Variants in RIT2 observed in about 807,000 individuals in gnomAD.
RIT2 encodes the protein Ras like without CAAX 2, also known as GTP-binding protein Rit2.
A neutral mutation model predicts 23.7 loss-of-function variants in RIT2; 24 were observed. The observed-to-expected ratio is 1.01, with a 90% CI of 0.73 to 1.43. The LOEUF (loss-of-function observed/expected upper bound fraction) is 1.43, where lower values mean the gene tolerates loss of function less well. RIT2 is among the 40% of genes most tolerant of loss of function. The pLI, the probability that RIT2 is intolerant of heterozygous loss-of-function variation, is 0.00. For missense variants in RIT2, 236 were observed against 266.9 expected, an observed-to-expected ratio of 0.88 and a Z score of 0.81; for synonymous variants, 107 against 91.1, an observed-to-expected ratio of 1.17 and a Z score of -0.99.
intron 4 of RIT2, among the ~76,000 whole-genome samples, chr18:42,862,579 A>C (rs900093898): frequency 2.6e-5 from 4 of 152,204 alleles, no homozygotes; most frequent in Admixed American, 2.0e-4. Context: ...GCAGAAATCA[A>C]TAATTTGAGG....
At chr18:42,837,147 C>CTTTTTTTTTTT (rs1196949759) in intron 4 of RIT2, among the ~76,000 whole-genome samples, 3 of 48,714 alleles carry the variant, frequency 6.2e-5, no homozygotes, top group Non-Finnish European at 1.4e-4. Flanking sequence ...CTTTTTTTTT[C>CTTTTTTTTTTT]TTTTTCTTTT....
intron 4 of RIT2, among the ~76,000 whole-genome samples, chr18:42,902,352 C>G (rs1161645626): frequency 6.6e-6 from 1 of 150,774 alleles, no homozygotes; most frequent in Non-Finnish European, 1.5e-5. Context: ...GCTGTAAAAC[C>G]CTAAAGTAAA....
chr18:43,078,566 C>T (rs957249734), intron 1 of RIT2, among the ~76,000 whole-genome samples: 7 of 152,142 alleles, frequency 4.6e-5, no homozygotes, highest in Admixed American at 6.5e-5. Flanking sequence ...ATCCTTGCAT[C>T]GCGCACATGC....
chr18:43,067,256 A>G (rs575353872), intron 1 of RIT2, among the ~76,000 whole-genome samples: 1 of 152,266 alleles, frequency 6.6e-6, no homozygotes, highest in South Asian at 2.1e-4. Context: ...TTTCCAGCTT[A>G]TTGGATATAT....
At chr18:42,837,153 CTTTTTTTTTTT>C (rs570701535) in intron 4 of RIT2, among the ~76,000 whole-genome samples, 13 of 51,698 alleles carry the variant, frequency 2.5e-4, no homozygotes, top group South Asian at 9.2e-4. Context: ...TTTTCTTTTT[CTTTTTTTTTTT>C]TTTTTTTTTT....
chr18:42,799,656 G>C (rs1298903658), intron 4 of RIT2, among the ~76,000 whole-genome samples: 1 of 152,162 alleles, frequency 6.6e-6, no homozygotes. Flanking sequence ...ATCTCACAGA[G>C]CTGAGCATGA....
chr18:42,867,113 T>G (rs926856780), intron 4 of RIT2, among the ~76,000 whole-genome samples: 1 of 152,212 alleles, frequency 6.6e-6, no homozygotes, highest in Non-Finnish European at 1.5e-5. Flanking sequence ...GGCTTCTTTA[T>G]AATCTCCCAC....
intron 2 of RIT2, among the ~76,000 whole-genome samples, chr18:42,982,081 A>T (rs1176970136): frequency 6.6e-6 from 1 of 152,172 alleles, no homozygotes; most frequent in Non-Finnish European, 1.5e-5. Flanking sequence ...ACAAATGCAG[A>T]TGTACAAAAA....
intron 3 of RIT2, among the ~76,000 whole-genome samples, chr18:42,949,230 C>A (rs1181793413): frequency 6.6e-6 from 1 of 152,018 alleles, no homozygotes; most frequent in African/African-American, 2.4e-5. Flanking sequence ...CCAATAATTC[C>A]CTATTGATGT....
At chr18:43,053,246 G>A (rs1912425762) in intron 1 of RIT2, among the ~76,000 whole-genome samples, 1 of 151,984 alleles carries the variant, frequency 6.6e-6, no homozygotes, top group Admixed American at 6.6e-5. Flanking sequence ...AAGAACCCTA[G>A]GCCCTGATAC....
intron 2 of RIT2, among the ~76,000 whole-genome samples, chr18:42,977,839 G>A (rs928469589): frequency 2.0e-5 from 3 of 147,940 alleles, no homozygotes; most frequent in Non-Finnish European, 3.0e-5. Flanking sequence ...TATGATTTTA[G>A]CAACTCTCAG....
intron 2 of RIT2, among the ~76,000 whole-genome samples, chr18:42,983,245 G>A (rs1910636679): frequency 6.6e-6 from 1 of 152,004 alleles, no homozygotes; most frequent in African/African-American, 2.4e-5. Context: ...AGGCACAAAA[G>A]CAATTTAGTG....
chr18:42,927,960 C>T (rs968726954), intron 3 of RIT2, among the ~76,000 whole-genome samples: 11 of 151,864 alleles, frequency 7.2e-5, no homozygotes, highest in Admixed American at 5.9e-4. Flanking sequence ...ACCAGCTCCC[C>T]GTTGCATTCA....
At chr18:42,784,641 A>G (rs1196035622) in intron 4 of RIT2, among the ~76,000 whole-genome samples, 3 of 152,102 alleles carry the variant, frequency 2.0e-5, no homozygotes, top group African/African-American at 7.2e-5. Flanking sequence ...CATTTTTTAC[A>G]TTCACACCAA....
chr18:43,064,480 C>T (rs1386226645), intron 1 of RIT2, among the ~76,000 whole-genome samples: 2 of 152,070 alleles, frequency 1.3e-5, no homozygotes, highest in African/African-American at 2.4e-5. Context: ...CAGGATAACA[C>T]AAGAATTAAA....
At chr18:42,876,553 G>GA (rs1036727395) in intron 4 of RIT2, among the ~76,000 whole-genome samples, 4 of 151,558 alleles carry the variant, frequency 2.6e-5, no homozygotes, top group African/African-American at 9.7e-5. Flanking sequence ...ACATGGGGAT[G>GA]AAAAAATAAA....
At chr18:42,792,703 C>A (rs1364218928) in intron 4 of RIT2, among the ~76,000 whole-genome samples, 3 of 152,160 alleles carry the variant, frequency 2.0e-5, no homozygotes, top group Non-Finnish European at 4.4e-5. Flanking sequence ...TGAAGTCAAG[C>A]AAGACCCCAT....
At chr18:43,077,017 G>A (rs1301656601) in intron 1 of RIT2, among the ~76,000 whole-genome samples, 1 of 148,722 alleles carries the variant, frequency 6.7e-6, no homozygotes, top group African/African-American at 2.5e-5. Flanking sequence ...GCAGGAGAAT[G>A]GCGTGAACCC....
At chr18:43,024,481 A>G (rs962520602) in intron 2 of RIT2, among the ~76,000 whole-genome samples, 6 of 151,918 alleles carry the variant, frequency 3.9e-5, no homozygotes, top group African/African-American at 1.5e-4. Context: ...ACTAAGAAAA[A>G]CTCTTTTGGA....
Sources: gnomAD v4.1 joint callset for allele counts (sites outside exome capture counted in the v4.1 genomes callset) on GRCh38, gnomAD v4.1.1 for gene constraint, MANE v1.5 for transcripts, NCBI Gene and HGNC (gene_info 2026-07-23, HGNC 2026-07-21) for gene names.